SYBU: variants seen among roughly 807,000 people sequenced by gnomAD.
SYBU encodes the protein GOLSYN A protein.
Under a neutral mutation model 35.9 loss-of-function variants are expected in SYBU, and 21 were observed. That is an observed-to-expected ratio of 0.58 (90% CI 0.41 to 0.84). The LOEUF (loss-of-function observed/expected upper bound fraction) is 0.84, where lower values mean the gene tolerates loss of function less well. SYBU is among the 40% of genes least tolerant of loss of function. The probability of loss-of-function intolerance (pLI) is 0.00; values close to 1 mark genes in which losing one functional copy is unlikely to be tolerated. For synonymous variants in SYBU, 319 were observed against 324.3 expected, an observed-to-expected ratio of 0.98 and a Z score of 0.18; for missense variants, 768 against 848.2, an observed-to-expected ratio of 0.91 and a Z score of 1.17.
intron 3 of SYBU, chr8:109,608,034 A>C: frequency 7.7e-7 from 1 of 1,307,064 alleles, no homozygotes. Flanking sequence ...AGTAGAGTAC[A>C]GTCTCAGAGT....
intron 4 of SYBU, among the ~76,000 whole-genome samples, chr8:109,581,596 G>A (rs994132654): frequency 6.6e-6 from 1 of 152,006 alleles, no homozygotes; most frequent in African/African-American, 2.4e-5. Flanking sequence ...TTACTTGATG[G>A]CAAAAAAAGA....
intron 1 of SYBU, among the ~76,000 whole-genome samples, chr8:109,678,668 T>C (rs1039933959): frequency 6.6e-6 from 1 of 152,066 alleles, no homozygotes; most frequent in Non-Finnish European, 1.5e-5. Flanking sequence ...CTCGATCTCC[T>C]GACATCGTGA....
At chr8:109,596,257 A>G in intron 3 of SYBU, among the ~76,000 whole-genome samples, 1 of 152,264 alleles carries the variant, frequency 6.6e-6, no homozygotes, top group Non-Finnish European at 1.5e-5. Flanking sequence ...AGTCTCAGAT[A>G]CAAAGAACTG....
chr8:109,592,342 C>T (rs1332074986), intron 3 of SYBU, among the ~76,000 whole-genome samples: 1 of 152,070 alleles, frequency 6.6e-6, no homozygotes, highest in Non-Finnish European at 1.5e-5. Flanking sequence ...TAAGATGTTT[C>T]CAAAGATCCT....
At chr8:109,631,085 C>CGCCAGGACGCATTACGGA (rs1221283001) in intron 2 of SYBU, among the ~76,000 whole-genome samples, 1 of 152,122 alleles carries the variant, frequency 6.6e-6, no homozygotes, top group Non-Finnish European at 1.5e-5. Flanking sequence ...CTCATGTGCT[C>CGCCAGGACGCATTACGGA]GCCAGGACGC....
chr8:109,592,224 T>C (rs1054634729), intron 3 of SYBU, among the ~76,000 whole-genome samples: 20 of 152,312 alleles, frequency 1.3e-4, no homozygotes, highest in African/African-American at 3.8e-4. Flanking sequence ...TTTCTACTCA[T>C]ACATTTTTAT....
At chr8:109,603,349 A>G in intron 3 of SYBU, 5 of 963,426 alleles carry the variant, frequency 5.2e-6, no homozygotes, top group Non-Finnish European at 6.2e-6. Flanking sequence ...TGAATGAAGC[A>G]TACTCACAAT....
Position 109,658,313 on chromosome 8 carries a change from T to C in SYBU, c.-129+22398A>G, listed in dbSNP as rs569905509. Among the ~76,000 whole-genome samples the C allele has an allele frequency of 2.9e-3, 443 of 152,352 alleles. 4 individuals carry two copies. The highest frequency in any genetic ancestry group is 2.5e-3 in the Non-Finnish European group (172 of 68,036). On this transcript the variant is annotated intron_variant, in intron 1 of 5. Transcript: ENST00000408889. Reference sequence around the variant, plus strand: ...GAAATATATAAAGGAGGGTTTTGCCTGTCCTATTTTTCTGCTATAATGAAT... The same window carrying C: ...GAAATATATAAAGGAGGGTTTTGCCCGTCCTATTTTTCTGCTATAATGAAT...
chr8:109,659,117 G>A (rs1450456149), intron 1 of SYBU, among the ~76,000 whole-genome samples: 1 of 152,150 alleles, frequency 6.6e-6, no homozygotes, highest in Non-Finnish European at 1.5e-5. Flanking sequence ...TTGGACCCTT[G>A]TGTTTTCCAG....
rs201778321 is a variant in SYBU, at chr8:109,619,057, A to C, written c.230-18T>G. The C allele has an allele frequency of 6.3e-7, 1 of 1,595,526 alleles. No homozygotes were observed. Among genetic ancestry groups the C allele is most frequent in the South Asian group, 1.1e-5 (1 of 90,604 alleles). ...TGTGTCATCTAGAAGACAGGAATCAATAAGTGTTTAATGATGAGGAGGAAA... is the reference window on the plus strand; with the variant it reads ...TGTGTCATCTAGAAGACAGGAATCACTAAGTGTTTAATGATGAGGAGGAAA... On this transcript the variant is annotated intron_variant, in intron 2 of 6. Coordinates refer to ENST00000276646, the MANE Select transcript of SYBU (RefSeq NM_001099754.2).
intron 2 of SYBU, among the ~76,000 whole-genome samples, chr8:109,641,837 C>A (rs541237773): frequency 2.6e-5 from 4 of 152,176 alleles, no homozygotes; most frequent in Admixed American, 6.5e-5. Context: ...GAAATAGGAA[C>A]GTTTTTACAC....
At chr8:109,671,001 T>G (rs1816960040) in intron 1 of SYBU, among the ~76,000 whole-genome samples, 1 of 152,210 alleles carries the variant, frequency 6.6e-6, no homozygotes, top group Non-Finnish European at 1.5e-5. Flanking sequence ...TTGGTTCTTT[T>G]TAAAAGACAG....
chr8:109,691,388 G>A lies in SYBU; in HGVS notation c.-113C>T, dbSNP rs956761614. The A allele has an allele frequency of 2.9e-6, 2 of 693,564 alleles. No homozygotes were observed. Among genetic ancestry groups the A allele is most frequent in the Non-Finnish European group, 5.2e-6 (2 of 381,228 alleles). The allele number at this position is 693,564 out of a possible 1,614,324, so 43.0% of individuals were successfully genotyped here. Reference sequence around the variant, plus strand: ...TGTCCAGGAGGAGGCACCTACGTGCGCCCGGGAGACCGGGCCCCGGCTGGG... The same window carrying A: ...TGTCCAGGAGGAGGCACCTACGTGCACCCGGGAGACCGGGCCCCGGCTGGG... On this transcript the variant is annotated 5_prime_UTR_variant, in exon 1 of 8. Transcript: ENST00000422135. The surrounding 1 kb of genome is among the most constrained non-coding windows in gnomAD (Gnocchi z 4.7).
rs1817636410 is a variant in SYBU at position 109,691,176 on chromosome 8, T to C, written c.-58+157A>G. On this transcript the variant is annotated intron_variant, in intron 1 of 7. Transcript: ENST00000422135. The surrounding 1 kb of genome is among the most constrained non-coding windows in gnomAD (Gnocchi z 4.7). Reference sequence around the variant, plus strand: ...CCCCATTTTCCACGACCTTCTTCTGTGCATCGCCGAGCACCCTGGATACCT... The same window carrying C: ...CCCCATTTTCCACGACCTTCTTCTGCGCATCGCCGAGCACCCTGGATACCT... Among the ~76,000 whole-genome samples the C allele has an allele frequency of 6.6e-6, 1 of 152,186 alleles. No homozygotes were observed. Among genetic ancestry groups the C allele is most frequent in the African/African-American group, 2.4e-5 (1 of 41,450 alleles).
chr8:109,608,107 C>A, intron 3 of SYBU: 1 of 588,328 alleles, frequency 1.7e-6, no homozygotes, highest in Non-Finnish European at 2.8e-6. Flanking sequence ...CTGCTGGCAC[C>A]ATAGCAACAG....
intron 4 of SYBU, 99 bp downstream of exon 4, chr8:109,585,961 T>C: frequency 1.3e-6 from 1 of 771,686 alleles, no homozygotes; most frequent in Non-Finnish European, 2.1e-6. Context: ...AATAATAAAA[T>C]ATGAACGGAC....
intron 2 of SYBU, among the ~76,000 whole-genome samples, chr8:109,633,727 C>CT (rs1563746693): frequency 1.3e-5 from 2 of 151,970 alleles, no homozygotes; most frequent in Non-Finnish European, 1.5e-5. Context: ...TACTAATTAT[C>CT]TTTTTTATTA....
intron 1 of SYBU, among the ~76,000 whole-genome samples, chr8:109,689,058 T>C (rs574050450): frequency 6.6e-6 from 1 of 152,268 alleles, no homozygotes; most frequent in Non-Finnish European, 1.5e-5. Flanking sequence ...TATAGTAAAA[T>C]GAAATATTTT....
At chr8:109,658,785 CT>C (rs1816452222) in intron 1 of SYBU, among the ~76,000 whole-genome samples, 1 of 152,128 alleles carries the variant, frequency 6.6e-6, no homozygotes, top group African/African-American at 2.4e-5. Flanking sequence ...GAAACCCCAT[CT>C]CTATGAAAAA....
Sources: gnomAD v4.1 joint callset for allele counts (sites outside exome capture counted in the v4.1 genomes callset) on GRCh38, gnomAD v4.1.1 for gene constraint, Gnocchi (gnomAD v3.1) non-coding constraint, MANE v1.5 for transcripts, NCBI Gene and HGNC (gene_info 2026-07-23, HGNC 2026-07-21) for gene names.